ATP6V1H: variants seen among roughly 807,000 people sequenced by gnomAD.
ATP6V1H encodes V-type proton ATPase subunit H.
A neutral mutation model predicts 71.7 loss-of-function variants in ATP6V1H; 39 were observed. The observed-to-expected ratio is 0.54, with a 90% CI of 0.42 to 0.71. ATP6V1H has a LOEUF of 0.71. Ranked by LOEUF, ATP6V1H falls within the 30% of genes least tolerant of loss-of-function variation. ATP6V1H has a pLI of 0.00. For synonymous variants in ATP6V1H, 192 were observed against 199.3 expected, an observed-to-expected ratio of 0.96 and a Z score of 0.31; for missense variants, 509 against 594.9, an observed-to-expected ratio of 0.86 and a Z score of 1.50.
intron 9 of ATP6V1H, among the ~76,000 whole-genome samples, chr8:53,793,338 T>G (rs1809627491): frequency 1.3e-5 from 2 of 152,124 alleles, no homozygotes; most frequent in African/African-American, 4.8e-5. Context: ...CTGCATGACA[T>G]TATCTACCAA....
intron 7 of ATP6V1H, 95 bp downstream of exon 7, chr8:53,811,069 T>C: frequency 2.1e-6 from 2 of 947,216 alleles, no homozygotes; most frequent in Non-Finnish European, 3.3e-6. Context: ...GGATTTATAG[T>C]TGGGGAACTA....
chr8:53,720,730 A>G (rs1431890924), intron 13 of ATP6V1H, among the ~76,000 whole-genome samples: 1 of 152,258 alleles, frequency 6.6e-6, no homozygotes, highest in Non-Finnish European at 1.5e-5. Flanking sequence ...ATAGGAAAAA[A>G]GTGATTTTCT....
chr8:53,830,275 C>A (rs1182000944), intron 3 of ATP6V1H, among the ~76,000 whole-genome samples: 1 of 152,204 alleles, frequency 6.6e-6, no homozygotes, highest in Non-Finnish European at 1.5e-5. Flanking sequence ...AACTTCCCCA[C>A]CTTAAGGATG....
intron 9 of ATP6V1H, among the ~76,000 whole-genome samples, chr8:53,785,184 G>A (rs1360038301): frequency 1.3e-5 from 2 of 151,926 alleles, no homozygotes; most frequent in Non-Finnish European, 2.9e-5. Flanking sequence ...CCAATCAGAC[G>A]CAGATTTGGT....
intron 2 of ATP6V1H, among the ~76,000 whole-genome samples, chr8:53,836,798 C>T (rs1337461603): frequency 6.6e-6 from 1 of 152,162 alleles, no homozygotes; most frequent in Non-Finnish European, 1.5e-5. Context: ...TATAATCATG[C>T]ACATGTTACT....
intron 11 of ATP6V1H, among the ~76,000 whole-genome samples, chr8:53,766,183 G>A (rs548327071): frequency 7.0e-4 from 107 of 152,322 alleles, no homozygotes; most frequent in African/African-American, 2.1e-3. Flanking sequence ...GCAGAAGAAC[G>A]TGGATTGTGA....
chr8:53,743,082 AAAC>A (rs764104329), intron 13 of ATP6V1H, among the ~76,000 whole-genome samples: 1 of 152,272 alleles, frequency 6.6e-6, no homozygotes, highest in African/African-American at 2.4e-5. Context: ...TTAAAAATAA[AAAC>A]AGGCAATAAA....
intron 1 of ATP6V1H, chr8:53,842,596 C>G (rs1421794605): frequency 6.6e-6 from 1 of 152,158 alleles, no homozygotes; most frequent in Non-Finnish European, 1.5e-5. Flanking sequence ...CCCTGGGCAG[C>G]GCGAACGACA....
At chr8:53,756,527 C>A (rs747827844) in intron 12 of ATP6V1H, 28 bp downstream of exon 12, 7 of 1,582,980 alleles carry the variant, frequency 4.4e-6, no homozygotes, top group South Asian at 1.1e-5. Flanking sequence ...TTTCAAGAAA[C>A]CAAATGAAAT....
At position 53,752,139 on chromosome 8, in the gene ATP6V1H, A is replaced by AAAGCATGTGAATTTTTT. The variant is rs1807819305; in HGVS notation, c.1277+4415_1277+4416insAAAAAATTCACATGCTT. Among the ~76,000 whole-genome samples, 13 of 152,234 alleles carry AAAGCATGTGAATTTTTT rather than the reference A, an allele frequency of 8.5e-5. 1 individual carries two copies. The highest frequency in any genetic ancestry group is 8.5e-4 in the Admixed American group (13 of 15,280). ...CTTGTGGTGAAAATGGATCTATCAC[A>AAAGCATGTGAATTTTTT]AAGCATGTGAATTTTTCTAAGTGTT... On this transcript the variant is annotated intron_variant, in intron 12 of 13. Coordinates refer to ENST00000359530, the MANE Select transcript of ATP6V1H (RefSeq NM_015941.4).
At chr8:53,807,271 A>G (rs1286839473) in intron 7 of ATP6V1H, among the ~76,000 whole-genome samples, 1 of 152,146 alleles carries the variant, frequency 6.6e-6, no homozygotes, top group East Asian at 1.9e-4. Flanking sequence ...TGCCAGAGAA[A>G]ACAATTTAAG....
intron 2 of ATP6V1H, among the ~76,000 whole-genome samples, chr8:53,834,942 G>T (rs1811113691): frequency 6.6e-6 from 1 of 152,038 alleles, no homozygotes; most frequent in Non-Finnish European, 1.5e-5. Flanking sequence ...AGGAGTTTAA[G>T]ACAAGCCTGG....
chr8:53,772,224 G>A, intron 9 of ATP6V1H, 57 bp from the exon 10 acceptor site: 2 of 1,367,380 alleles, frequency 1.5e-6, no homozygotes, highest in Non-Finnish European at 2.0e-6. Context: ...GATGGATTCA[G>A]AGACCTCTGC....
At chr8:53,801,769 T>G (rs1340268898) in intron 8 of ATP6V1H, 30 bp downstream of exon 8, 1 of 1,525,072 alleles carries the variant, frequency 6.6e-7, no homozygotes, top group Admixed American at 1.7e-5. Context: ...TTGTAAATGT[T>G]ATTTTACATT....
chr8:53,836,020 T>C (rs1167639603), intron 2 of ATP6V1H, among the ~76,000 whole-genome samples: 2 of 152,280 alleles, frequency 1.3e-5, no homozygotes, highest in East Asian at 3.9e-4. Context: ...TCCCAAAGGC[T>C]AGAAGTTGGA....
intron 4 of ATP6V1H, among the ~76,000 whole-genome samples, chr8:53,819,311 C>T (rs1017122050): frequency 6.6e-6 from 1 of 151,056 alleles, no homozygotes; most frequent in African/African-American, 2.4e-5. Flanking sequence ...ACAAGCAGAT[C>T]ACTTGAGGTC....
At chr8:53,760,193 T>A (rs1808221715) in intron 11 of ATP6V1H, among the ~76,000 whole-genome samples, 1 of 151,868 alleles carries the variant, frequency 6.6e-6, no homozygotes, top group Non-Finnish European at 1.5e-5. Flanking sequence ...ATCTCAAGAG[T>A]GGGGTGGGCA....
In ATP6V1H at chr8:53,800,080, C is replaced by G. The variant is rs148085208; in HGVS notation, c.677+1719G>C. On this transcript the variant is annotated intron_variant, in intron 8 of 13. Transcript: ENST00000359530. ...CTAACTTCTAATAAAATCTTCAGAG[C>G]TGAGTCTCTGATGGGTTTCCGGGAC... Among the ~76,000 whole-genome samples, 385 of 152,256 alleles carry G rather than the reference C, an allele frequency of 2.5e-3. 5 individuals carry two copies. Among genetic ancestry groups the G allele is most frequent in the African/African-American group, 8.9e-3 (371 of 41,540 alleles).
intron 13 of ATP6V1H, among the ~76,000 whole-genome samples, chr8:53,721,029 A>C (rs1224846586): frequency 1.3e-5 from 2 of 152,244 alleles, no homozygotes; most frequent in East Asian, 3.8e-4. Flanking sequence ...AGCTGGTATA[A>C]TGTAAATCAT....
Sources: gnomAD v4.1 joint callset for allele counts (sites outside exome capture counted in the v4.1 genomes callset) on GRCh38, gnomAD v4.1.1 for gene constraint, MANE v1.5 for transcripts, NCBI Gene and HGNC (gene_info 2026-07-23, HGNC 2026-07-21) for gene names.